The following ABL1 variants were observed in gnomAD, a reference collection of about 807,000 sequenced individuals.
The protein encoded by ABL1 is ABL proto-oncogene 1, non-receptor tyrosine kinase.
In ABL1, 11 loss-of-function variants were observed where a neutral mutation model predicts 94.7. The ratio of observed to expected loss-of-function variants is 0.12; its 90% confidence interval spans 0.07 to 0.19. The LOEUF (loss-of-function observed/expected upper bound fraction) is 0.19, where lower values mean the gene tolerates loss of function less well. Among genes scored for constraint, ABL1 ranks in the 10% least tolerant of loss-of-function variants. The pLI, the probability that ABL1 is intolerant of heterozygous loss-of-function variation, is 1.00. For synonymous variants in ABL1, 656 were observed against 622.4 expected, an observed-to-expected ratio of 1.05 and a Z score of -0.80; for missense variants, 1,082 against 1,489.4, an observed-to-expected ratio of 0.73 and a Z score of 4.50.
Position 130,851,017 on chromosome 9 carries a change from G to A in ABL1, c.80-3047G>A, listed in dbSNP as rs887800388. Among the ~76,000 whole-genome samples, 36 of 151,886 alleles carry A rather than the reference G, an allele frequency of 2.4e-4. 1 individual carries two copies. The highest frequency in any genetic ancestry group is 1.8e-3 in the Admixed American group (27 of 15,252). ...CGGCTCCCTGCAAGCTCCGCCTCCC[G>A]GGTTCACGCCATTCTCCTGCCTCAG... On this transcript the variant is annotated intron_variant, in intron 1 of 10. Transcript: ENST00000318560.
rs770300808 is a variant in ABL1, at chr9:130,880,705, C to G, written c.1678+41C>G. Reference sequence around the variant, plus strand: ...CCCCCAACCCCACTGCTCTTCCCTTCCCTGCCAGAGGCTACATTCAGGCCA... The same window carrying G: ...CCCCCAACCCCACTGCTCTTCCCTTGCCTGCCAGAGGCTACATTCAGGCCA... On this transcript the variant is annotated intron_variant, in intron 10 of 10. Transcript: ENST00000318560. The surrounding 1 kb of genome is among the most constrained non-coding windows in gnomAD (Gnocchi z 4.4). 6.2e-7 allele frequency: 1 copy of G among 1,603,586 alleles called. No individual in the cohort carries two copies. Among genetic ancestry groups the G allele is most frequent in the South Asian group, 1.1e-5 (1 of 90,194 alleles).
At chr9:130,832,100 T>G (rs1277915468), upstream of ABL1, among the ~76,000 whole-genome samples, 1 of 151,594 alleles carries the variant, frequency 6.6e-6, no homozygotes, top group Non-Finnish European at 1.5e-5. Flanking sequence ...GCTTTAATGT[T>G]GGGGAGTTTA....
intron 1 of ABL1, among the ~76,000 whole-genome samples, chr9:130,791,878 C>A (rs1257823172): frequency 6.6e-6 from 1 of 152,192 alleles, no homozygotes; most frequent in East Asian, 1.9e-4. Context: ...CCCAAATAAA[C>A]TCCCTTTCAT....
At chr9:130,722,647 A>G (rs1831531287) in intron 1 of ABL1, among the ~76,000 whole-genome samples, 1 of 152,082 alleles carries the variant, frequency 6.6e-6, no homozygotes, top group Non-Finnish European at 1.5e-5. Flanking sequence ...GAGCCATTGC[A>G]CCTGGCCATG....
chr9:130,725,836 T>TGTTGG (rs1387982146), intron 1 of ABL1, among the ~76,000 whole-genome samples: 1 of 119,306 alleles, frequency 8.4e-6, no homozygotes. Flanking sequence ...TTTTTTTTTT[T>TGTTGG]TTTTTTTTTT....
At chr9:130,784,682 G>C (rs866909720) in intron 1 of ABL1, among the ~76,000 whole-genome samples, 83 of 152,250 alleles carry the variant, frequency 5.5e-4, no homozygotes, top group African/African-American at 2.0e-3. Context: ...AGTGTGGTTG[G>C]TGGTCTTGAA....
intron 1 of ABL1, among the ~76,000 whole-genome samples, chr9:130,714,873 A>G (rs984021048): frequency 3.3e-5 from 5 of 152,128 alleles, no homozygotes; most frequent in African/African-American, 1.2e-4. Context: ...TCATATTCTC[A>G]AAGTGGTTTG....
At chr9:130,773,388 A>C (rs1832275664) in intron 1 of ABL1, among the ~76,000 whole-genome samples, 2 of 152,206 alleles carry the variant, frequency 1.3e-5, no homozygotes, top group African/African-American at 2.4e-5. Context: ...AAGACAAGCC[A>C]AAACTGTAAA....
At chr9:130,720,563 G>A (rs1292085594) in intron 1 of ABL1, among the ~76,000 whole-genome samples, 1 of 152,162 alleles carries the variant, frequency 6.6e-6, no homozygotes, top group African/African-American at 2.4e-5. Flanking sequence ...CTGAAGGAGA[G>A]GGTGGCCTTA....
chr9:130,848,344 TGA>T (rs1830805366), intron 1 of ABL1, among the ~76,000 whole-genome samples: 1 of 45,352 alleles, frequency 2.2e-5, no homozygotes, highest in Non-Finnish European at 4.3e-5. Flanking sequence ...CTACTGAAAA[TGA>T]AAAAAAAAAA....
At chr9:130,783,467 G>C (rs1042283786) in intron 1 of ABL1, among the ~76,000 whole-genome samples, 3 of 152,210 alleles carry the variant, frequency 2.0e-5, no homozygotes, top group African/African-American at 7.2e-5. Context: ...GCAAAGTCGA[G>C]CAGTAGATTA....
At chr9:130,734,750 G>A (rs117317022) in intron 1 of ABL1, among the ~76,000 whole-genome samples, 173 of 151,550 alleles carry the variant, frequency 1.1e-3, no homozygotes, top group Non-Finnish European at 2.2e-3. Context: ...TTGAATTCCT[G>A]GCCTCAAGTG....
At chr9:130,776,290 A>G (rs541608627) in intron 1 of ABL1, among the ~76,000 whole-genome samples, 1 of 152,336 alleles carries the variant, frequency 6.6e-6, no homozygotes, top group South Asian at 2.1e-4. Flanking sequence ...GTGAGCTTCA[A>G]GTTAACCTAA....
intron 1 of ABL1, among the ~76,000 whole-genome samples, chr9:130,753,706 G>A (rs139890880): frequency 0.018 from 2,804 of 151,594 alleles, 28 homozygotes; most frequent in Non-Finnish European, 0.026. Context: ...GATTACAGGC[G>A]TGAGCCACCA....
intron 1 of ABL1, among the ~76,000 whole-genome samples, chr9:130,785,693 CG>C (rs751846889): frequency 1.3e-5 from 2 of 151,962 alleles, no homozygotes; most frequent in Non-Finnish European, 2.9e-5. Context: ...GAGGCCAAGG[CG>C]GGCAGATCAC....
intron 1 of ABL1, among the ~76,000 whole-genome samples, chr9:130,817,816 G>A (rs1471085319): frequency 6.6e-6 from 1 of 152,170 alleles, no homozygotes; most frequent in East Asian, 1.9e-4. Context: ...TTGTATGGAT[G>A]TACCCGTGTA....
At chr9:130,881,356 A>G (rs1831449520) in intron 10 of ABL1, among the ~76,000 whole-genome samples, 1 of 152,154 alleles carries the variant, frequency 6.6e-6, no homozygotes, top group Admixed American at 6.5e-5. Context: ...TCATGCTGCT[A>G]ATAAAGGTAT....
chr9:130,753,100 C>A (rs1310307231), intron 1 of ABL1, among the ~76,000 whole-genome samples: 1 of 151,334 alleles, frequency 6.6e-6, no homozygotes, highest in Admixed American at 6.6e-5. Context: ...ACCAAAAATA[C>A]AAAAAAATTA....
Position 130,885,857 on chromosome 9 carries a change from G to T in ABL1, c.*174G>T. On this transcript the variant is annotated 3_prime_UTR_variant, in exon 11 of 11. Coordinates refer to ENST00000318560, the MANE Select transcript of ABL1 (RefSeq NM_005157.6). ...GAGTCCAGCTCTACTACCTACGTTT[G>T]CACCGCCTGCCCTCCCGCACCTTCC... 1 of 818,160 alleles carries T rather than the reference G, an allele frequency of 1.2e-6. No homozygotes were observed. The highest frequency in any genetic ancestry group is 1.9e-5 in the South Asian group (1 of 52,362). The allele number at this position is 818,160 out of a possible 1,614,324, so 50.7% of individuals were successfully genotyped here.
Sources: gnomAD v4.1 joint callset for allele counts (sites outside exome capture counted in the v4.1 genomes callset) on GRCh38, gnomAD v4.1.1 for gene constraint, Gnocchi (gnomAD v3.1) non-coding constraint, MANE v1.5 for transcripts, NCBI Gene and HGNC (gene_info 2026-07-23, HGNC 2026-07-21) for gene names.